Variants in SIPA1L3 observed in about 807,000 individuals in gnomAD.
SIPA1L3 encodes the protein signal-induced proliferation-associated 1-like protein 3.
In SIPA1L3, 59 loss-of-function variants were observed where a neutral mutation model predicts 150.1. The ratio of observed to expected loss-of-function variants is 0.39; its 90% confidence interval spans 0.32 to 0.49. The LOEUF (loss-of-function observed/expected upper bound fraction) is 0.49, where lower values mean the gene tolerates loss of function less well. Among genes scored for constraint, SIPA1L3 ranks in the 20% least tolerant of loss-of-function variants. The pLI is 0.86. For missense variants in SIPA1L3, 2,211 were observed against 2,489.5 expected (o/e 0.89, Z 2.38); for synonymous variants, 1,070 against 1,077.6 (o/e 0.99, Z 0.14).
At chr19:37,994,004 C>T (rs1418907191) in intron 1 of SIPA1L3, among the ~76,000 whole-genome samples, 1 of 152,134 alleles carries the variant, frequency 6.6e-6, no homozygotes, top group African/African-American at 2.4e-5. Context: ...AAGCAATCCT[C>T]CTATTTCAGC....
intron 1 of SIPA1L3, among the ~76,000 whole-genome samples, chr19:37,944,292 A>AG (rs896917298): frequency 1.7e-4 from 26 of 151,530 alleles, no homozygotes; most frequent in African/African-American, 5.6e-4. Flanking sequence ...AAAAAAAAAA[A>AG]GCATGAAGAT....
At chr19:37,995,292 G>A (rs187017922) in intron 1 of SIPA1L3, among the ~76,000 whole-genome samples, 2 of 152,318 alleles carry the variant, frequency 1.3e-5, no homozygotes, top group East Asian at 3.9e-4. Flanking sequence ...CCAAGTGTCT[G>A]CTGTGGGTGG....
chr19:38,117,754 T>C (rs143183275), intron 8 of SIPA1L3, among the ~76,000 whole-genome samples: 1,998 of 152,226 alleles, frequency 0.013, 48 homozygotes, highest in African/African-American at 0.044. Context: ...GGAAATGTGG[T>C]ATAAGAGCTT....
intron 1 of SIPA1L3, among the ~76,000 whole-genome samples, chr19:37,920,832 C>T (rs1171679099): frequency 6.6e-6 from 1 of 152,214 alleles, no homozygotes; most frequent in Admixed American, 6.5e-5. Flanking sequence ...GCCCTGGCTT[C>T]TCTGAGCAGC....
intron 1 of SIPA1L3, among the ~76,000 whole-genome samples, chr19:38,002,633 C>T (rs372317820): frequency 3.6e-5 from 5 of 139,794 alleles, no homozygotes; most frequent in African/African-American, 1.1e-4. Flanking sequence ...GCAGGAGAAT[C>T]GCTTGAACCT....
chr19:37,908,627 TA>T (rs1193735434), intron 1 of SIPA1L3, among the ~76,000 whole-genome samples: 2 of 151,358 alleles, frequency 1.3e-5, no homozygotes, highest in Non-Finnish European at 3.0e-5. Context: ...TTTTTTTTTT[TA>T]ATAGGCCCTT....
intron 1 of SIPA1L3, among the ~76,000 whole-genome samples, chr19:37,943,012 TTCTCTCTC>T (rs4007702): frequency 6.9e-5 from 7 of 102,008 alleles, no homozygotes; most frequent in African/African-American, 2.4e-4. Flanking sequence ...CCCAGCCTCT[TTCTCTCTC>T]TCTCTCTCTC....
intron 15 of SIPA1L3, among the ~76,000 whole-genome samples, chr19:38,174,125 C>A (rs539106204): frequency 6.6e-6 from 1 of 152,072 alleles, no homozygotes; most frequent in African/African-American, 2.4e-5. Context: ...AGGAGGAGGC[C>A]GCTCTGACAA....
intron 2 of SIPA1L3, among the ~76,000 whole-genome samples, chr19:38,077,894 C>T (rs1273364380): frequency 1.3e-5 from 2 of 151,988 alleles, no homozygotes; most frequent in African/African-American, 2.4e-5. Flanking sequence ...TGGTCTCGAA[C>T]TCCTGACCTC....
At chr19:38,048,741 T>G (rs1237280262) in intron 2 of SIPA1L3, among the ~76,000 whole-genome samples, 1 of 152,196 alleles carries the variant, frequency 6.6e-6, no homozygotes, top group Admixed American at 6.5e-5. Flanking sequence ...TGAAGAAGTT[T>G]AGTGACTTGC....
At chr19:38,112,232 A>G (rs1280619935) in intron 8 of SIPA1L3, among the ~76,000 whole-genome samples, 1 of 151,816 alleles carries the variant, frequency 6.6e-6, no homozygotes, top group African/African-American at 2.4e-5. Flanking sequence ...TAACACATGC[A>G]CACACCTGCA....
Position 38,030,623 on chromosome 19 carries a change from A to AATAC in SIPA1L3, c.-311+1470_-311+1471insCATA, listed in dbSNP as rs1250170240. On this transcript the variant is annotated intron_variant, in intron 2 of 21. Coordinates refer to ENST00000222345, the MANE Select transcript of SIPA1L3 (RefSeq NM_015073.3). ...ATATTTTATATATATATATGTGGCAAATATATATATATATATATATATATA... is the reference window on the plus strand; with the variant it reads ...ATATTTTATATATATATATGTGGCAAATACATATATATATATATATATATATATA... Among the ~76,000 whole-genome samples, 111 of 42,640 alleles carry AATAC rather than the reference A, an allele frequency of 2.6e-3. 10 individuals are homozygous for AATAC. The highest frequency in any genetic ancestry group is 5.9e-3 in the African/African-American group (100 of 16,918). 28.0% of individuals were successfully genotyped at this position (42,640 alleles called of 152,430 possible).
intron 1 of SIPA1L3, among the ~76,000 whole-genome samples, chr19:37,934,747 T>C (rs2046585980): frequency 6.7e-6 from 1 of 150,108 alleles, no homozygotes; most frequent in Non-Finnish European, 1.5e-5. Context: ...TATGTATCTT[T>C]CCACATTTTT....
chr19:38,031,991 G>A (rs768257160), intron 2 of SIPA1L3, among the ~76,000 whole-genome samples: 4 of 152,074 alleles, frequency 2.6e-5, no homozygotes, highest in Non-Finnish European at 5.9e-5. Flanking sequence ...GAGAAACTTT[G>A]AGGCTATGCT....
intron 15 of SIPA1L3, 24 bp from the exon 16 acceptor site, chr19:38,182,495 A>T (rs757302548): frequency 5.9e-6 from 9 of 1,536,560 alleles, no homozygotes; most frequent in Admixed American, 5.8e-5. Flanking sequence ...GGTTTTTTTT[A>T]TCTCTTTCAT....
intron 9 of SIPA1L3, among the ~76,000 whole-genome samples, chr19:38,120,298 C>CA (rs10707316): frequency 5.9e-4 from 80 of 135,670 alleles, no homozygotes; most frequent in Middle Eastern, 3.9e-3. Flanking sequence ...ACTCTGCCTA[C>CA]AAAAAAAAAA....
chr19:38,028,143 A>T (rs534403564), intron 1 of SIPA1L3, among the ~76,000 whole-genome samples: 1 of 152,322 alleles, frequency 6.6e-6, no homozygotes, highest in African/African-American at 2.4e-5. Context: ...GCCTGGAGAC[A>T]TTCATTCATC....
At chr19:38,179,871 C>G (rs1321623733) in intron 15 of SIPA1L3, among the ~76,000 whole-genome samples, 2 of 151,476 alleles carry the variant, frequency 1.3e-5, no homozygotes, top group African/African-American at 2.4e-5. Flanking sequence ...TAGATGGAGT[C>G]TCACTCTGTC....
chr19:38,151,961 C>CAA (rs35851181), intron 12 of SIPA1L3, among the ~76,000 whole-genome samples: 2,667 of 85,478 alleles, frequency 0.031, 98 homozygotes, highest in South Asian at 0.042. Flanking sequence ...GACCCCATCT[C>CAA]AAAAAAAAAA....
Sources: allele counts gnomAD v4.1 joint callset (sites outside exome capture counted in the v4.1 genomes callset), GRCh38; gene constraint gnomAD v4.1.1; transcripts MANE v1.5; gene names NCBI Gene and HGNC (gene_info 2026-07-23, HGNC 2026-07-21).